The following RAB10 variants were observed in gnomAD, a reference collection of about 807,000 sequenced individuals.
RAB10 encodes ras-related protein Rab-10.
Under a neutral mutation model 25.7 loss-of-function variants are expected in RAB10, and 5 were observed. The observed-to-expected ratio is 0.19, with a 90% confidence interval of 0.10 to 0.41. The LOEUF (loss-of-function observed/expected upper bound fraction) is 0.41. Among genes scored for constraint, RAB10 ranks in the 10% least tolerant of loss-of-function variants. The probability of loss-of-function intolerance (pLI) is 1.00; values close to 1 mark genes in which losing one functional copy is unlikely to be tolerated. For synonymous variants in RAB10, 89 were observed against 86.4 expected (o/e 1.03, Z -0.16); for missense variants, 103 against 245.8 (o/e 0.42, Z 3.89).
At chr2:26,097,460 T>C (rs1332976915) in intron 1 of RAB10, among the ~76,000 whole-genome samples, 1 of 152,094 alleles carries the variant, frequency 6.6e-6, no homozygotes, top group Non-Finnish European at 1.5e-5. Flanking sequence ...GTGTTTTTAG[T>C]AGAGACGGGG....
At chr2:26,099,684 G>T (rs548969972) in intron 2 of RAB10, among the ~76,000 whole-genome samples, 1 of 151,814 alleles carries the variant, frequency 6.6e-6, no homozygotes, top group East Asian at 1.9e-4. Context: ...GGGACTATAG[G>T]TGCCCGCCAC....
chr2:26,128,102 A>G lies in RAB10; in HGVS notation c.519+151A>G. On this transcript the variant is annotated intron_variant, in intron 5 of 5. Transcript: ENST00000264710. ...GTCCCCAGCCTTTTTGGCACCAAGGACTGGTTTCATGGAAGATAATTTTTC... is the reference window on the plus strand; with the variant it reads ...GTCCCCAGCCTTTTTGGCACCAAGGGCTGGTTTCATGGAAGATAATTTTTC... 3 of 694,636 alleles carry G rather than the reference A, an allele frequency of 4.3e-6. 1 individual carries two copies. The South Asian group carries it at 5.4e-5, about 13-fold the overall frequency. The allele number at this position is 694,636 out of a possible 1,614,324, so 43.0% of individuals were successfully genotyped here.
chr2:26,063,778 A>C (rs1666458857), intron 1 of RAB10, among the ~76,000 whole-genome samples: 1 of 152,110 alleles, frequency 6.6e-6, no homozygotes, highest in East Asian at 1.9e-4. Context: ...TCTTAATAGA[A>C]TGTTTCACAA....
intron 1 of RAB10, among the ~76,000 whole-genome samples, chr2:26,046,586 T>TA (rs928673764): frequency 2.0e-4 from 30 of 151,928 alleles, no homozygotes; most frequent in African/African-American, 6.8e-4. Flanking sequence ...TACTGTTGAT[T>TA]AAAAAAAATT....
chr2:26,117,337 G>C (rs1237795896), intron 3 of RAB10, among the ~76,000 whole-genome samples: 2 of 152,076 alleles, frequency 1.3e-5, no homozygotes, highest in African/African-American at 4.8e-5. Flanking sequence ...GAAGGTCCGG[G>C]TGCGGGGGGC....
chr2:26,120,841 C>T (rs1284646969), intron 3 of RAB10, among the ~76,000 whole-genome samples: 3 of 152,264 alleles, frequency 2.0e-5, no homozygotes, highest in Admixed American at 6.5e-5. Context: ...CCGCCCGCCT[C>T]GGCCTCCCAA....
At chr2:26,079,561 A>G (rs1436444624) in intron 1 of RAB10, among the ~76,000 whole-genome samples, 1 of 151,940 alleles carries the variant, frequency 6.6e-6, no homozygotes, top group African/African-American at 2.4e-5. Flanking sequence ...GAAGTCATAG[A>G]AGAAATGATG....
chr2:26,125,471 G>T, intron 3 of RAB10, among the ~76,000 whole-genome samples: 1 of 143,102 alleles, frequency 7.0e-6, no homozygotes. Flanking sequence ...TTTCCAGACA[G>T]GTTCTTGCTC....
At position 26,134,802 on chromosome 2, in the gene RAB10, C is replaced by T. The variant is rs559653532; in HGVS notation, c.520-136C>T. 3.9e-3 allele frequency: 2,376 copies of T among 611,508 alleles called. 4 individuals carry two copies. Among genetic ancestry groups the T allele is most frequent in the Admixed American group, 5.2e-3 (142 of 27,200 alleles). The allele number at this position is 611,508 out of a possible 1,614,324, so 37.9% of individuals were successfully genotyped here. Reference sequence around the variant, plus strand: ...AAAGCTTCCAAATCTTTACTTTGCACGGAGGGGAAACCTATCTCCTGTGAT... The same window carrying T: ...AAAGCTTCCAAATCTTTACTTTGCATGGAGGGGAAACCTATCTCCTGTGAT... On this transcript the variant is annotated intron_variant, in intron 5 of 5. Coordinates refer to ENST00000264710, the MANE Select transcript of RAB10 (RefSeq NM_016131.5).
intron 1 of RAB10, among the ~76,000 whole-genome samples, chr2:26,047,971 C>T (rs372002580): frequency 3.3e-5 from 5 of 151,326 alleles, no homozygotes; most frequent in Admixed American, 1.3e-4. Context: ...GGTGATCTGC[C>T]GGCCTCGGCC....
intron 3 of RAB10, among the ~76,000 whole-genome samples, chr2:26,118,101 T>TAGCTGG (rs1051266490): frequency 4.0e-5 from 6 of 151,036 alleles, no homozygotes; most frequent in Admixed American, 1.3e-4. Flanking sequence ...GCCTCCTGAG[T>TAGCTGG]AGCTGGGATT....
chr2:26,135,131 C>A lies in RAB10; in HGVS notation c.*110C>A. On this transcript the variant is annotated 3_prime_UTR_variant, in exon 6 of 6. Coordinates refer to ENST00000264710, the MANE Select transcript of RAB10 (RefSeq NM_016131.5). ...CTAAACAGATATTTTTGTTTCTCAT[C>A]TTAACTATCCAAGCCACCTATTTTA... 2.6e-6 allele frequency: 2 copies of A among 772,240 alleles called. No homozygotes were observed. Among genetic ancestry groups the A allele is most frequent in the Non-Finnish European group, 3.9e-6 (2 of 508,344 alleles). 47.8% of individuals were successfully genotyped at this position (772,240 alleles called of 1,614,324 possible).
At chr2:26,123,201 G>A (rs1667840310) in intron 3 of RAB10, among the ~76,000 whole-genome samples, 1 of 152,156 alleles carries the variant, frequency 6.6e-6, no homozygotes, top group African/African-American at 2.4e-5. Flanking sequence ...TTATGGGACA[G>A]CCCTTTAAAG....
intron 1 of RAB10, among the ~76,000 whole-genome samples, chr2:26,040,155 CTTG>C (rs555458451): frequency 5.9e-4 from 89 of 152,124 alleles, no homozygotes; most frequent in Middle Eastern, 3.4e-3. Flanking sequence ...ATGAGGGTTT[CTTG>C]TTGTTGTTTA....
chr2:26,048,043 T>G (rs1666054018), intron 1 of RAB10, among the ~76,000 whole-genome samples: 3 of 151,866 alleles, frequency 2.0e-5, no homozygotes, highest in African/African-American at 4.8e-5. Flanking sequence ...ATTAGTTTTT[T>G]TTTTTTTTTT....
At chr2:26,079,314 CACACACACAA>C (rs879397897) in intron 1 of RAB10, among the ~76,000 whole-genome samples, 3,060 of 89,550 alleles carry the variant, frequency 0.034, 39 homozygotes, top group East Asian at 0.044. Flanking sequence ...GTTTGAAACA[CACACACACAA>C]ACACACACAC....
chr2:26,044,743 G>A (rs1000727072), intron 1 of RAB10, among the ~76,000 whole-genome samples: 3 of 151,720 alleles, frequency 2.0e-5, no homozygotes, highest in Non-Finnish European at 2.9e-5. Context: ...ACAGGGTTTC[G>A]CCCTGTTGAC....
At chr2:26,072,893 GTTTTAA>G (rs1694146308) in intron 1 of RAB10, among the ~76,000 whole-genome samples, 1 of 152,114 alleles carries the variant, frequency 6.6e-6, no homozygotes, top group African/African-American at 2.4e-5. Context: ...TGTTTTCTTA[GTTTTAA>G]TTTGTAATAT....
At chr2:26,057,620 T>TTCATTCATTCATTCA (rs1553724597) in intron 1 of RAB10, among the ~76,000 whole-genome samples, 21 of 149,076 alleles carry the variant, frequency 1.4e-4, no homozygotes, top group African/African-American at 5.2e-4. Flanking sequence ...GGCAAGTTTC[T>TTCATTCATTCATTCA]TTCATTCATT....
Sources: allele counts gnomAD v4.1 joint callset (sites outside exome capture counted in the v4.1 genomes callset), GRCh38; gene constraint gnomAD v4.1.1; transcripts MANE v1.5; gene names NCBI Gene and HGNC (gene_info 2026-07-23, HGNC 2026-07-21).